The following NRXN1 variants were observed in gnomAD, a reference collection of about 807,000 sequenced individuals.
The protein encoded by NRXN1 is neurexin 1.
In NRXN1, 39 loss-of-function variants were observed where a neutral mutation model predicts 150.9. The observed-to-expected ratio is 0.26, with a 90% CI of 0.20 to 0.34. NRXN1 has a LOEUF of 0.34. Ranked by LOEUF, NRXN1 falls within the 10% of genes least tolerant of loss-of-function variation. The pLI, the probability that NRXN1 is intolerant of heterozygous loss-of-function variation, is 1.00. For synonymous variants in NRXN1, 924 were observed against 757.0 expected, an observed-to-expected ratio of 1.22 and a Z score of -3.62; for missense variants, 1,815 against 1,949.9, an observed-to-expected ratio of 0.93 and a Z score of 1.30.
intron 2 of NRXN1, among the ~76,000 whole-genome samples, chr2:50,978,247 C>A (rs1371121313): frequency 4.1e-5 from 5 of 120,984 alleles, no homozygotes; most frequent in African/African-American, 1.4e-4. Flanking sequence ...TTCCAGAGAC[C>A]ATACTCTGAA....
At chr2:50,974,483 T>G (rs1400362294) in intron 2 of NRXN1, among the ~76,000 whole-genome samples, 1 of 152,118 alleles carries the variant, frequency 6.6e-6, no homozygotes, top group Non-Finnish European at 1.5e-5. Flanking sequence ...ACAGATATAC[T>G]TGAGGAAAGG....
intron 18 of NRXN1, among the ~76,000 whole-genome samples, chr2:50,107,544 T>A (rs1307881905): frequency 4.3e-5 from 6 of 138,288 alleles, no homozygotes; most frequent in East Asian, 2.0e-4. Flanking sequence ...TATATATTTT[T>A]TTTTTTTACC....
intron 15 of NRXN1, among the ~76,000 whole-genome samples, chr2:50,491,667 G>A (rs570006055): frequency 4.6e-5 from 7 of 152,232 alleles, no homozygotes; most frequent in African/African-American, 1.7e-4. Flanking sequence ...TACTGCCTGG[G>A]CTGACCTAGA....
intron 2 of NRXN1, among the ~76,000 whole-genome samples, chr2:50,989,050 G>A (rs1188293731): frequency 6.6e-6 from 1 of 151,746 alleles, no homozygotes; most frequent in Non-Finnish European, 1.5e-5. Context: ...CTTGCGTCCT[G>A]AGAGATATTT....
intron 2 of NRXN1, among the ~76,000 whole-genome samples, chr2:50,971,476 A>G (rs1694988050): frequency 1.3e-5 from 2 of 152,114 alleles, no homozygotes; most frequent in South Asian, 4.2e-4. Flanking sequence ...CCAGCTACTC[A>G]GGAGGCTGAG....
intron 2 of NRXN1, among the ~76,000 whole-genome samples, chr2:50,959,955 C>T (rs1464432685): frequency 1.3e-5 from 2 of 152,000 alleles, no homozygotes; most frequent in Admixed American, 1.3e-4. Context: ...CAAAAAATTA[C>T]TTATAGTCCT....
intron 21 of NRXN1, chr2:49,974,149 T>G (rs980710387): frequency 2.2e-5 from 16 of 713,292 alleles, no homozygotes; most frequent in Admixed American, 1.0e-4. Flanking sequence ...TGCCTGCGCA[T>G]CAGCCCGGCC....
At chr2:50,501,380 C>G (rs181399596) in intron 13 of NRXN1, among the ~76,000 whole-genome samples, 2 of 90,442 alleles carry the variant, frequency 2.2e-5, no homozygotes, top group East Asian at 5.6e-4. Flanking sequence ...AACCATGACT[C>G]GTGTATGTGT....
intron 17 of NRXN1, among the ~76,000 whole-genome samples, chr2:50,265,280 T>C (rs1435957352): frequency 6.6e-6 from 1 of 152,124 alleles, no homozygotes; most frequent in Admixed American, 6.6e-5. Context: ...GATCTGATCT[T>C]GAATTCCCAG....
chr2:50,520,320 T>C (rs937225556), intron 12 of NRXN1, among the ~76,000 whole-genome samples: 1 of 151,994 alleles, frequency 6.6e-6, no homozygotes, highest in African/African-American at 2.4e-5. Context: ...ATGTACATGA[T>C]GTATTACAAA....
At position 50,091,481 on chromosome 2, in the gene NRXN1, A is replaced by G. The variant is rs1485999288; in HGVS notation, c.3560T>C (p.Ile1187Thr). The change falls in exon 19 of 23, where the codon ATT becomes ACT. Residue 1187 changes from isoleucine to threonine, a missense_variant. Around this residue, in one of 6 missense-constraint regions of NRXN1, gnomAD observed 339 missense variants for 440.3 expected, o/e 0.77. Coordinates refer to ENST00000401669, the MANE Select transcript of NRXN1 (RefSeq NM_001330078.2). ...TGTCCCAACATTAAACTTAACTCCA[A>G]TTTTTCCCTGGTGCTGTAAGAGAGG... ...YLELHIHQGKIGVKFNVGTDD... is the reference protein window; with the variant it reads ...YLELHIHQGKTGVKFNVGTDD... The G allele has an allele frequency of 1.2e-6, 2 of 1,614,068 alleles. No individual in the cohort carries two copies. The highest frequency in any genetic ancestry group is 1.7e-5 in the Admixed American group (1 of 59,980).
At chr2:50,184,798 A>T (rs1277848576) in intron 18 of NRXN1, among the ~76,000 whole-genome samples, 1 of 152,042 alleles carries the variant, frequency 6.6e-6, no homozygotes, top group Non-Finnish European at 1.5e-5. Context: ...TACAAGTATT[A>T]ACTCCTGATG....
At chr2:50,128,507 T>C (rs908762133) in intron 18 of NRXN1, among the ~76,000 whole-genome samples, 3 of 152,142 alleles carry the variant, frequency 2.0e-5, no homozygotes, top group Non-Finnish European at 2.9e-5. Flanking sequence ...TACAGAAATA[T>C]ATACACCAAT....
Position 49,993,770 on chromosome 2 carries a change from A to G in NRXN1, c.4129-49979T>C, listed in dbSNP as rs536028586. Among the ~76,000 whole-genome samples the G allele has an allele frequency of 2.0e-5, 3 of 152,212 alleles. No individual in the cohort carries two copies. In the South Asian group the frequency reaches 6.2e-4, roughly 32 times the overall value. On this transcript the variant is annotated intron_variant, in intron 21 of 22. Coordinates refer to ENST00000401669, the MANE Select transcript of NRXN1 (RefSeq NM_001330078.2). ...ATCATGGAAAAAATAGAAAAACGTA[A>G]GGCAATTGCTCATCATAGCAGATAA...
chr2:50,031,211 A>C (rs1689124401), intron 21 of NRXN1, among the ~76,000 whole-genome samples: 1 of 152,062 alleles, frequency 6.6e-6, no homozygotes, highest in Non-Finnish European at 1.5e-5. Flanking sequence ...CAATTTTATG[A>C]ATCAATGTAA....
At chr2:50,392,080 A>T (rs1392770482) in intron 17 of NRXN1, among the ~76,000 whole-genome samples, 3 of 152,136 alleles carry the variant, frequency 2.0e-5, no homozygotes, top group Non-Finnish European at 4.4e-5. Context: ...CCTCTCTTGA[A>T]CTACTATCTG....
chr2:50,550,804 C>A (rs1265844891), intron 9 of NRXN1, among the ~76,000 whole-genome samples: 8 of 151,982 alleles, frequency 5.3e-5, no homozygotes, highest in African/African-American at 1.4e-4. Context: ...GCCTCAGCCT[C>A]CCGAGTGGCT....
At chr2:50,104,761 T>G (rs1701417454) in intron 18 of NRXN1, among the ~76,000 whole-genome samples, 1 of 152,050 alleles carries the variant, frequency 6.6e-6, no homozygotes, top group African/African-American at 2.4e-5. Flanking sequence ...AGATTTTGTG[T>G]GCTAAACTAT....
chr2:50,621,409 C>A (rs1204964416), intron 6 of NRXN1, among the ~76,000 whole-genome samples, 160 bp from the exon 7 acceptor site: 1 of 151,960 alleles, frequency 6.6e-6, no homozygotes, highest in Admixed American at 6.6e-5. Flanking sequence ...AGTTATTAAG[C>A]ATGTTAGTAA....
Sources: gnomAD v4.1 joint callset for allele counts (sites outside exome capture counted in the v4.1 genomes callset) on GRCh38, gnomAD v4.1.1 for gene constraint, gnomAD v4.1.1 regional missense constraint, MANE v1.5 for transcripts, NCBI Gene and HGNC (gene_info 2026-07-23, HGNC 2026-07-21) for gene names.